The following FAM186A variants were observed in gnomAD, a reference collection of about 807,000 sequenced individuals.
The protein encoded by FAM186A is protein FAM186A.
FAM186A carries 163 observed loss-of-function variants against 216.8 expected under a neutral mutation model. That is an observed-to-expected ratio of 0.75 (90% CI 0.66 to 0.86). The LOEUF is 0.86. FAM186A is among the 40% of genes least tolerant of loss of function. The pLI is 0.00. For missense variants in FAM186A, 2,184 were observed against 2,746.2 expected, an observed-to-expected ratio of 0.80 and a Z score of 4.58; for synonymous variants, 805 against 1,025.3, an observed-to-expected ratio of 0.79 and a Z score of 4.10.
intron 1 of FAM186A, among the ~76,000 whole-genome samples, chr12:50,390,029 TTC>T (rs1251480730): frequency 6.6e-6 from 1 of 152,160 alleles, no homozygotes; most frequent in Non-Finnish European, 1.5e-5. Context: ...AGTGTGGGGA[TTC>T]TGTCAGCTGC....
chr12:50,362,985 C>G (rs1409968896), intron 2 of FAM186A, among the ~76,000 whole-genome samples, 160 bp downstream of exon 2: 2 of 152,118 alleles, frequency 1.3e-5, no homozygotes, highest in African/African-American at 4.8e-5. Flanking sequence ...CTATATTTTT[C>G]CTATTTTATT....
chr12:50,380,521 C>CAA (rs60955395), intron 1 of FAM186A, among the ~76,000 whole-genome samples: 1 of 76,442 alleles, frequency 1.3e-5, no homozygotes, highest in African/African-American at 4.7e-5. Context: ...ACTAAAAATA[C>CAA]AAAAAAAAAA....
chr12:50,348,333 G>A (rs1457994089), intron 4 of FAM186A, among the ~76,000 whole-genome samples: 1 of 151,480 alleles, frequency 6.6e-6, no homozygotes, highest in Non-Finnish European at 1.5e-5. Context: ...ACCACACCCA[G>A]CTAATTTTTG....
chr12:50,353,600 G>T lies in FAM186A; in HGVS notation c.3232C>A (p.Gln1078Lys), dbSNP rs1358502130. The change falls in exon 4 of 8, where the codon CAG becomes AAG. Residue 1078 changes from glutamine to lysine, a missense_variant. Coordinates refer to ENST00000327337, the MANE Select transcript of FAM186A (RefSeq NM_001145475.3). ...PLTKCIHLTP[Q>K]QAQEVGITLT... ...GTGATCCCCACTTCCTGGGCCTGCT[G>T]AGGTGTGAGATGAATGCATTTAGTG... is the stretch of plus-strand genomic sequence containing the variant. The T allele has an allele frequency of 1.3e-6, 2 of 1,528,380 alleles. No individual in the cohort carries two copies. Among genetic ancestry groups the T allele is most frequent in the South Asian group, 2.5e-5 (2 of 78,880 alleles). The allele number at this position is 1,528,380 out of a possible 1,614,324, so 94.7% of individuals were successfully genotyped here. A position where few individuals can be genotyped will look rare whatever the true frequency, so the allele number is the denominator to read the frequency against.
Position 50,372,980 on chromosome 12 carries a change from G to GAGGAAGGAAGGA in FAM186A, c.193-9628_193-9617dup, listed in dbSNP as rs71441363. On this transcript the variant is annotated intron_variant, in intron 1 of 7. Transcript: ENST00000327337. ...GGAGGGAGGGAGGGAGGGACGGAGG[G>GAGGAAGGAAGGA]AGGAAGGAAGGAAGGAATGAAAGAA... Among the ~76,000 whole-genome samples, 32 of 85,036 alleles carry GAGGAAGGAAGGA rather than the reference G, an allele frequency of 3.8e-4. 1 individual carries two copies. Among genetic ancestry groups the GAGGAAGGAAGGA allele is most frequent in the Non-Finnish European group, 6.1e-4 (21 of 34,410 alleles). 55.8% of individuals were successfully genotyped at this position (85,036 alleles called of 152,430 possible).
Position 50,355,303 on chromosome 12 carries a change from GA to G in FAM186A, c.1528del (p.Ser510LeufsTer18). 1 of 1,550,792 alleles carries G rather than the reference GA, an allele frequency of 6.4e-7. No individual in the cohort carries two copies. Among genetic ancestry groups the G allele is most frequent in the Non-Finnish European group, 8.7e-7 (1 of 1,146,840 alleles). ...KKKRKEMKSFSEDKSKSPTEA... is the reference protein window; with the variant it reads ...KKKRKEMKSFXEDKSKSPTEA... ...AGTGGGTGACTTTGATTTATCTTCA[GA>G]AAAGGATTTCATTTCTTTTCTTTTC... On this transcript the variant is annotated frameshift_variant, in exon 4 of 8. Transcript: ENST00000327337. LOFTEE classifies it high-confidence loss of function.
intron 4 of FAM186A, among the ~76,000 whole-genome samples, chr12:50,335,748 A>G (rs1942701839): frequency 6.6e-6 from 1 of 152,136 alleles, no homozygotes; most frequent in Admixed American, 6.6e-5. Flanking sequence ...ACACTACGTT[A>G]CTTGTAAAAA....
chr12:50,379,632 C>T (rs1464803668), intron 1 of FAM186A, among the ~76,000 whole-genome samples: 1 of 150,764 alleles, frequency 6.6e-6, no homozygotes, highest in Non-Finnish European at 1.5e-5. Context: ...ATTAAAAATA[C>T]AAAAGTAGCC....
intron 4 of FAM186A, among the ~76,000 whole-genome samples, chr12:50,339,367 T>G (rs1387032433): frequency 1.3e-5 from 2 of 152,208 alleles, no homozygotes; most frequent in Non-Finnish European, 2.9e-5. Context: ...TGGATGCCCT[T>G]GTTTAGTAGG....
At chr12:50,347,227 A>G (rs1312221217) in intron 4 of FAM186A, among the ~76,000 whole-genome samples, 3 of 152,156 alleles carry the variant, frequency 2.0e-5, no homozygotes, top group Non-Finnish European at 2.9e-5. Context: ...CACCTTGAAC[A>G]TTGTGGGTTA....
chr12:50,393,346 T>C (rs1218876168), intron 1 of FAM186A, among the ~76,000 whole-genome samples: 2 of 151,348 alleles, frequency 1.3e-5, no homozygotes, highest in Non-Finnish European at 2.9e-5. Flanking sequence ...AAGACCAGCC[T>C]GGCCAACATG....
chr12:50,333,978 T>C lies in FAM186A; in HGVS notation c.6629A>G (p.Glu2210Gly). The C allele has an allele frequency of 6.4e-7, 1 of 1,551,716 alleles. No homozygotes were observed. The highest frequency in any genetic ancestry group is 8.7e-7 in the Non-Finnish European group (1 of 1,146,998). The change falls in exon 5 of 8, where the codon GAG becomes GGG. Residue 2210 changes from glutamate to glycine, a missense_variant. Physicochemically the swap from Glu to Gly is moderately conservative, Grantham distance 98. This residue lies in a region of FAM186A where 721 missense variants were observed against 816.4 expected (regional missense o/e 0.88). Coordinates refer to ENST00000327337, the MANE Select transcript of FAM186A (RefSeq NM_001145475.3). ...YGKKVMQVWT[E>G]KQKSLGQKRN... ...TTTCTGCCCTAGAGACTTCTGCTTC[T>C]CAGTCCAGACCTGCATCACCTTTTT...
chr12:50,341,180 T>C (rs961112256), intron 4 of FAM186A, among the ~76,000 whole-genome samples: 3 of 152,232 alleles, frequency 2.0e-5, no homozygotes, highest in Admixed American at 6.5e-5. Flanking sequence ...TCTAAAACTA[T>C]ATTTTAGCAC....
In FAM186A at chr12:50,356,353, T is replaced by G; in HGVS notation, c.584-105A>C. On this transcript the variant is annotated intron_variant, in intron 3 of 7. Transcript: ENST00000327337. ...TTTAGCCTAGATTAACTATAACTAA[T>G]TAAATATAAGATAAAGATTAATCTG... is the stretch of plus-strand genomic sequence containing the variant. The G allele has an allele frequency of 4.8e-6, 4 of 827,708 alleles. No individual in the cohort carries two copies. The South Asian group carries it at 9.6e-5, about 20-fold the overall frequency. The allele number at this position is 827,708 out of a possible 1,614,324, so 51.3% of individuals were successfully genotyped here.
intron 7 of FAM186A, among the ~76,000 whole-genome samples, chr12:50,329,669 C>T (rs1942637986): frequency 1.3e-5 from 2 of 151,466 alleles, no homozygotes; most frequent in African/African-American, 4.9e-5. Flanking sequence ...ACAATCTGGG[C>T]TCACTGCAAC....
At chr12:50,375,474 G>A (rs764835038) in intron 1 of FAM186A, among the ~76,000 whole-genome samples, 6 of 151,212 alleles carry the variant, frequency 4.0e-5, no homozygotes, top group African/African-American at 7.3e-5. Flanking sequence ...GCTTGAACCC[G>A]GGAGGCAGAG....
Position 50,355,927 on chromosome 12 carries a change from G to C in FAM186A, c.905C>G (p.Ser302Cys). ...ACTGAGATCTCGTATTATCTTCAGA[G>C]AGAGCTCCTTTTCTGCTTCACTTGT... ...HETSEAEKEL[S>C]LKIIRDLSNE... is the part of the protein sequence containing the mutation. The change falls in exon 4 of 8, where the codon TCT (serine) becomes TGT (cysteine). Residue 302 changes from serine (S) to cysteine (C), a missense_variant. Transcript: ENST00000327337. 1.3e-6 allele frequency: 2 copies of C among 1,551,530 alleles called. No homozygotes were observed. The highest frequency in any genetic ancestry group is 1.7e-4 in the Middle Eastern group (1 of 5,992).
Position 50,352,452 on chromosome 12 carries a change from G to T in FAM186A, c.4380C>A (p.Thr1460=). ...TCCCCAATTCCTGAGCCTGCTGAGG[G>T]GTGAGAGTGATCCCCAGCTCCTGAG... ...QQAQELGITL[T]PQQAQELGIP... The change falls in exon 4 of 8, where the codon ACC becomes ACA. Residue 1460 remains threonine (T), a synonymous_variant. Coordinates refer to ENST00000327337, the MANE Select transcript of FAM186A (RefSeq NM_001145475.3). 2 of 1,502,686 alleles carry T rather than the reference G, an allele frequency of 1.3e-6. No homozygotes were observed. The highest frequency in any genetic ancestry group is 8.9e-7 in the Non-Finnish European group (1 of 1,118,386). 93.1% of individuals were successfully genotyped at this position (1,502,686 alleles called of 1,614,324 possible). A position where few individuals can be genotyped will look rare whatever the true frequency, so the allele number is the denominator to read the frequency against.
intron 3 of FAM186A, among the ~76,000 whole-genome samples, chr12:50,359,615 A>G (rs1943013107): frequency 6.6e-6 from 1 of 152,200 alleles, no homozygotes; most frequent in African/African-American, 2.4e-5. Flanking sequence ...ATTATTTATA[A>G]AAGCCCCAAA....
Sources: gnomAD v4.1 joint callset for allele counts (sites outside exome capture counted in the v4.1 genomes callset) on GRCh38, gnomAD v4.1.1 for gene constraint, gnomAD v4.1.1 regional missense constraint, MANE v1.5 for transcripts, NCBI Gene and HGNC (gene_info 2026-07-23, HGNC 2026-07-21) for gene names.